PTCHD4: variants seen among roughly 807,000 people sequenced by gnomAD.
PTCHD4 encodes the protein patched domain containing 4, also known as patched domain-containing protein 4.
PTCHD4 carries 33 observed loss-of-function variants against 58.1 expected under a neutral mutation model. That is an observed-to-expected ratio of 0.57 (90% CI 0.43 to 0.76). The LOEUF (loss-of-function observed/expected upper bound fraction) is 0.76. Ranked by LOEUF, PTCHD4 falls within the 30% of genes least tolerant of loss-of-function variation. The pLI is 0.00. For synonymous variants in PTCHD4, 478 were observed against 409.6 expected (o/e 1.17, Z -2.02); for missense variants, 1,058 against 1,027.1 (o/e 1.03, Z -0.41).
chr6:48,048,757 G>A (rs1176702722), intron 3 of PTCHD4, among the ~76,000 whole-genome samples: 6 of 151,952 alleles, frequency 3.9e-5, no homozygotes, highest in African/African-American at 1.2e-4. Flanking sequence ...CAGACCAACA[G>A]GATTTACAAT....
At position 47,868,634 on chromosome 6, in the gene PTCHD4, G is replaced by A. The variant is rs1323293885; in HGVS notation, c.*9669C>T. 3.3e-5 allele frequency among the ~76,000 whole-genome samples: 5 copies of A among 151,728 alleles called. No homozygotes were observed. The highest frequency in any genetic ancestry group is 7.4e-5 in the Non-Finnish European group (5 of 67,826). On this transcript the variant is annotated 3_prime_UTR_variant, in exon 5 of 5. Coordinates refer to ENST00000339488, the MANE Select transcript of PTCHD4 (RefSeq NM_001384253.1). Reference sequence around the variant, plus strand: ...AATCAGTGGAGAATTTCAACTTGAAGCACATATAAATGACAATAAATAGTA... The same window carrying A: ...AATCAGTGGAGAATTTCAACTTGAAACACATATAAATGACAATAAATAGTA...
intron 4 of PTCHD4, among the ~76,000 whole-genome samples, chr6:47,908,134 G>T (rs76707425): frequency 0.017 from 2,523 of 152,232 alleles, 89 homozygotes; most frequent in African/African-American, 0.056. Flanking sequence ...TGCAAAGGCT[G>T]TGAAAACTGA....
intron 4 of PTCHD4, among the ~76,000 whole-genome samples, chr6:47,990,480 A>T (rs1454472654): frequency 6.6e-6 from 1 of 152,154 alleles, no homozygotes; most frequent in African/African-American, 2.4e-5. Context: ...ATTTTGAATC[A>T]TGGGGGCAGT....
intron 3 of PTCHD4, among the ~76,000 whole-genome samples, chr6:48,046,240 C>A (rs1764033727): frequency 6.6e-6 from 1 of 151,774 alleles, no homozygotes; most frequent in Non-Finnish European, 1.5e-5. Context: ...GCCACTGATT[C>A]CCAGACATTT....
intron 4 of PTCHD4, among the ~76,000 whole-genome samples, chr6:47,888,173 T>C (rs1250418026): frequency 2.0e-5 from 3 of 150,084 alleles, no homozygotes; most frequent in Non-Finnish European, 3.0e-5. Context: ...CTGGCTAACA[T>C]GGTGAAACCC....
intron 4 of PTCHD4, among the ~76,000 whole-genome samples, chr6:47,990,297 G>C (rs879726597): frequency 4.6e-5 from 7 of 152,156 alleles, no homozygotes; most frequent in Admixed American, 4.6e-4. Context: ...GCTGAAATGA[G>C]TTAAGACTTT....
intron 4 of PTCHD4, among the ~76,000 whole-genome samples, chr6:47,946,927 T>C (rs1743302538): frequency 6.6e-6 from 1 of 152,154 alleles, no homozygotes; most frequent in South Asian, 2.1e-4. Flanking sequence ...CTTTGCAACC[T>C]TGACCTCCTG....
chr6:47,990,800 A>T (rs1384424208), intron 4 of PTCHD4, among the ~76,000 whole-genome samples: 2 of 152,230 alleles, frequency 1.3e-5, no homozygotes, highest in Admixed American at 6.5e-5. Flanking sequence ...AAACAGGTAT[A>T]GACATAGGCA....
chr6:47,878,692 G>A lies in PTCHD4; in HGVS notation c.2143C>T (p.Leu715Phe), dbSNP rs1763916238. ...VDMDCISILC[L>F]IYTLNFAIDH... is the part of the protein sequence containing the mutation. ...ATGGCGAAATTCAAGGTGTAGATAA[G>A]GCACAAGATAGAAATGCAATCCATG... Residue 715 changes from leucine to phenylalanine, a missense_variant, in exon 5 of 5, where the codon CTT becomes TTT. Transcript: ENST00000339488. 1 of 1,613,154 alleles carries A rather than the reference G, an allele frequency of 6.2e-7. No individual in the cohort carries two copies. The highest frequency in any genetic ancestry group is 8.5e-7 in the Non-Finnish European group (1 of 1,179,584).
chr6:47,967,213 C>T (rs1013614358), intron 4 of PTCHD4, among the ~76,000 whole-genome samples: 5 of 152,280 alleles, frequency 3.3e-5, no homozygotes, highest in African/African-American at 1.2e-4. Context: ...TCTCCTTGTA[C>T]ATCTCCATTA....
chr6:48,052,120 A>C (rs1764255408), intron 3 of PTCHD4, among the ~76,000 whole-genome samples: 1 of 152,032 alleles, frequency 6.6e-6, no homozygotes, highest in African/African-American at 2.4e-5. Context: ...AGACAAATAC[A>C]GGGAGGAGAA....
intron 1 of PTCHD4, among the ~76,000 whole-genome samples, chr6:48,093,942 C>A (rs1765413516): frequency 6.6e-6 from 1 of 152,122 alleles, no homozygotes; most frequent in African/African-American, 2.4e-5. Flanking sequence ...CATTTGAGAG[C>A]TTGCAAGAAA....
chr6:48,023,768 C>A (rs1763148957), intron 3 of PTCHD4, among the ~76,000 whole-genome samples: 1 of 152,070 alleles, frequency 6.6e-6, no homozygotes, highest in South Asian at 2.1e-4. Flanking sequence ...TAAAAAAGGT[C>A]AAAACTTTAG....
chr6:48,001,185 G>A (rs888260697), intron 4 of PTCHD4, among the ~76,000 whole-genome samples: 38 of 152,092 alleles, frequency 2.5e-4, no homozygotes, highest in African/African-American at 9.2e-4. Flanking sequence ...TACTGCCCTA[G>A]GTAATTTATA....
intron 3 of PTCHD4, among the ~76,000 whole-genome samples, chr6:48,045,403 A>C (rs952212664): frequency 2.0e-5 from 3 of 151,806 alleles, no homozygotes; most frequent in African/African-American, 7.2e-5. Flanking sequence ...TCAGGTTTTG[A>C]TTATTCTAGC....
At position 47,871,601 on chromosome 6, in the gene PTCHD4, C is replaced by T. The variant is rs1414224842; in HGVS notation, c.*6702G>A. On this transcript the variant is annotated 3_prime_UTR_variant, in exon 5 of 5. Transcript: ENST00000339488. ...ATAAGTGGGACTGCATATAGGAGTG[C>T]TCATTTTACATTTTGCCTTGTCTAA... 6.6e-6 allele frequency among the ~76,000 whole-genome samples: 1 copy of T among 151,550 alleles called. No homozygotes were observed. The highest frequency in any genetic ancestry group is 1.5e-5 in the Non-Finnish European group (1 of 67,696).
chr6:48,086,925 C>G (rs965109303), intron 1 of PTCHD4, among the ~76,000 whole-genome samples: 4 of 151,976 alleles, frequency 2.6e-5, no homozygotes, highest in Admixed American at 6.6e-5. Context: ...AATCTTTTCA[C>G]GTTAATAATG....
At chr6:48,110,956 A>T (rs1765862854) in intron 1 of PTCHD4, among the ~76,000 whole-genome samples, 93 bp downstream of exon 1, 1 of 151,868 alleles carries the variant, frequency 6.6e-6, no homozygotes, top group Non-Finnish European at 1.5e-5. Flanking sequence ...TGACCCTTCT[A>T]CACATGCATT....
At chr6:48,091,404 C>T (rs953398893) in intron 1 of PTCHD4, among the ~76,000 whole-genome samples, 1 of 151,784 alleles carries the variant, frequency 6.6e-6, no homozygotes, top group Non-Finnish European at 1.5e-5. Flanking sequence ...TATTTAGGCC[C>T]CACCCAGACC....
Sources: gnomAD v4.1 joint callset for allele counts (sites outside exome capture counted in the v4.1 genomes callset) on GRCh38, gnomAD v4.1.1 for gene constraint, MANE v1.5 for transcripts, NCBI Gene and HGNC (gene_info 2026-07-23, HGNC 2026-07-21) for gene names.